Variants in URI1 observed in about 807,000 individuals in gnomAD.
URI1 encodes URI1 prefoldin like chaperone.
Under a neutral mutation model 60.2 loss-of-function variants are expected in URI1, and 39 were observed. The ratio of observed to expected loss-of-function variants is 0.65; its 90% CI spans 0.50 to 0.85. The LOEUF (loss-of-function observed/expected upper bound fraction) is 0.85, where lower values mean the gene tolerates loss of function less well. Among genes scored for constraint, URI1 ranks in the 40% least tolerant of loss-of-function variants. The pLI, the probability that URI1 is intolerant of heterozygous loss-of-function variation, is 0.00. For synonymous variants in URI1, 251 were observed against 236.8 expected, an observed-to-expected ratio of 1.06 and a Z score of -0.55; for missense variants, 691 against 665.9, an observed-to-expected ratio of 1.04 and a Z score of -0.42.
rs551998718 is a variant in URI1 at position 29,994,437 on chromosome 19, C to T, written c.367+8020C>T. 2.3e-4 allele frequency among the ~76,000 whole-genome samples: 35 copies of T among 151,782 alleles called. 1 individual carries two copies. Among genetic ancestry groups the T allele is most frequent in the Admixed American group, 2.2e-3 (33 of 15,254 alleles). The stretch of plus-strand genomic sequence containing the variant: ...GATAACTCCCCATTTTTTCCTTCCT[C>T]CCCCCATCCCCTGGTAACCACTATT... On this transcript the variant is annotated intron_variant, in intron 4 of 10. Coordinates refer to ENST00000392271, the MANE Select transcript of URI1 (RefSeq NM_003796.3).
At chr19:29,935,027 G>T (rs1330368671) in intron 1 of URI1, among the ~76,000 whole-genome samples, 2 of 152,054 alleles carry the variant, frequency 1.3e-5, no homozygotes, top group African/African-American at 2.4e-5. Context: ...ACCAATAAAG[G>T]ATTTAATTCT....
intron 1 of URI1, among the ~76,000 whole-genome samples, chr19:29,930,139 A>C (rs2054904160): frequency 6.6e-6 from 1 of 151,960 alleles, no homozygotes; most frequent in Non-Finnish European, 1.5e-5. Flanking sequence ...GGGTTTCACC[A>C]TGTTGGCCAG....
At chr19:29,932,949 G>A (rs1015793474) in intron 1 of URI1, among the ~76,000 whole-genome samples, 8 of 152,050 alleles carry the variant, frequency 5.3e-5, no homozygotes, top group African/African-American at 9.7e-5. Flanking sequence ...CACCACACCC[G>A]GACTACATCG....
At chr19:29,949,886 A>G (rs919707777) in intron 1 of URI1, among the ~76,000 whole-genome samples, 3 of 151,344 alleles carry the variant, frequency 2.0e-5, no homozygotes, top group African/African-American at 7.3e-5. Context: ...GCTTGGCATC[A>G]GAGGGAGACC....
intron 4 of URI1, among the ~76,000 whole-genome samples, chr19:30,003,048 T>C (rs1017904330): frequency 6.6e-6 from 1 of 152,048 alleles, no homozygotes; most frequent in Non-Finnish European, 1.5e-5. Flanking sequence ...GTGAAAAATG[T>C]AATAGCATGG....
chr19:30,011,330 A>G, intron 9 of URI1, 94 bp downstream of exon 9: 2 of 1,457,774 alleles, frequency 1.4e-6, no homozygotes, highest in South Asian at 3.0e-5. Context: ...GTAACACAGA[A>G]GACCCTCACT....
chr19:29,947,429 G>T (rs781641876), intron 1 of URI1, among the ~76,000 whole-genome samples: 3 of 152,188 alleles, frequency 2.0e-5, no homozygotes, highest in Non-Finnish European at 4.4e-5. Context: ...TGTGTCTTCA[G>T]TTCCACTTAG....
intron 1 of URI1, among the ~76,000 whole-genome samples, chr19:29,935,714 T>TTTTTTTTTTTTTTTTTTTTTTTTTTTTTC (rs2054964136): frequency 5.4e-5 from 8 of 149,340 alleles, no homozygotes; most frequent in African/African-American, 2.0e-4. Context: ...TTTTTTTTTT[T>TTTTTTTTTTTTTTTTTTTTTTTTTTTTTC]CCCCAGGACT....
intron 7 of URI1, among the ~76,000 whole-genome samples, chr19:30,008,735 T>C (rs910255815): frequency 6.6e-6 from 1 of 152,108 alleles, no homozygotes; most frequent in African/African-American, 2.4e-5. Context: ...ATATTTATAT[T>C]GCATATGGCC....
chr19:29,991,903 A>G (rs182290551), intron 4 of URI1, among the ~76,000 whole-genome samples: 1 of 152,204 alleles, frequency 6.6e-6, no homozygotes, highest in Admixed American at 6.5e-5. Context: ...GTGGTGGATT[A>G]TATTGATTGA....
At chr19:30,014,190 T>C (rs1038338158) in intron 10 of URI1, 4 of 152,124 alleles carry the variant, frequency 2.6e-5, no homozygotes, top group East Asian at 1.9e-4. Flanking sequence ...GTTGAACATA[T>C]AGTTGACCAG....
At chr19:29,928,487 C>A (rs561674813) in intron 1 of URI1, among the ~76,000 whole-genome samples, 15 of 152,244 alleles carry the variant, frequency 9.9e-5, no homozygotes, top group Admixed American at 3.9e-4. Flanking sequence ...TGTCTCCGCC[C>A]ACTTGTTTCC....
intron 1 of URI1, among the ~76,000 whole-genome samples, chr19:29,967,844 C>T (rs1345368933): frequency 6.6e-6 from 1 of 152,190 alleles, no homozygotes; most frequent in Non-Finnish European, 1.5e-5. Flanking sequence ...AAGTAAGTTA[C>T]TTCATCTCTG....
chr19:29,956,777 C>T (rs574760714), intron 1 of URI1: 10 of 1,598,164 alleles, frequency 6.3e-6, no homozygotes, highest in African/African-American at 2.7e-5. Flanking sequence ...ACAAATAGTC[C>T]GAACGGTAGC....
intron 1 of URI1, among the ~76,000 whole-genome samples, chr19:29,947,310 T>C (rs1198551933): frequency 1.3e-5 from 2 of 152,232 alleles, no homozygotes; most frequent in Non-Finnish European, 2.9e-5. Flanking sequence ...GTGCCACGCA[T>C]TGTGATAGAT....
At chr19:29,982,863 G>A (rs2055615739) in intron 2 of URI1, among the ~76,000 whole-genome samples, 1 of 152,216 alleles carries the variant, frequency 6.6e-6, no homozygotes, top group African/African-American at 2.4e-5. Context: ...ATGCTGGGCA[G>A]TGTGTTAGAC....
At chr19:29,962,681 G>T (rs1472081618) in intron 1 of URI1, among the ~76,000 whole-genome samples, 4 of 147,446 alleles carry the variant, frequency 2.7e-5, no homozygotes, top group African/African-American at 1.0e-4. Context: ...TGTTGTTGTT[G>T]CTGTCTTTTT....
At chr19:30,002,111 C>G (rs896694353) in intron 4 of URI1, among the ~76,000 whole-genome samples, 3 of 151,944 alleles carry the variant, frequency 2.0e-5, no homozygotes, top group Non-Finnish European at 4.4e-5. Context: ...TATTTACAGG[C>G]TTCATACTAT....
Position 30,012,441 on chromosome 19 carries a change from A to C in URI1, c.1335A>C (p.Glu445Asp). The stretch of plus-strand genomic sequence containing the variant: ...TTTTGAGGAGTATCAGCTGCGAAGA[A>C]GCCACTTGCAGTGACACCAGTGAGA... ...RGVLRSISCE[E>D]ATCSDTSESI... Residue 445 changes from glutamate to aspartate, a missense_variant, in exon 10 of 11, where the codon GAA (glutamate) becomes GAC (aspartate). Physicochemically the swap from Glu to Asp is conservative, Grantham distance 45 (BLOSUM62 2). Coordinates refer to ENST00000392271, the MANE Select transcript of URI1 (RefSeq NM_003796.3). The C allele has an allele frequency of 6.2e-7, 1 of 1,614,204 alleles. No homozygotes were observed. The highest frequency in any genetic ancestry group is 8.5e-7 in the Non-Finnish European group (1 of 1,180,026).
Sources: allele counts gnomAD v4.1 joint callset (sites outside exome capture counted in the v4.1 genomes callset), GRCh38; gene constraint gnomAD v4.1.1; transcripts MANE v1.5; gene names NCBI Gene and HGNC (gene_info 2026-07-23, HGNC 2026-07-21).